SLC22A24: variants seen among roughly 807,000 people sequenced by gnomAD.
The protein encoded by SLC22A24 is solute carrier family 22 member 24.
SLC22A24 carries 53 observed loss-of-function variants against 49.8 expected under a neutral mutation model. That is an observed-to-expected ratio of 1.06 (90% CI 0.85 to 1.34). The LOEUF is 1.34. Ranked by LOEUF, SLC22A24 falls within the 40% of genes most tolerant of loss-of-function variation. The pLI is 0.00. For synonymous variants in SLC22A24, 302 were observed against 256.4 expected (o/e 1.18, Z -1.70); for missense variants, 786 against 675.9 (o/e 1.16, Z -1.81).
chr11:63,093,675 G>T (rs960256074), intron 6 of SLC22A24, among the ~76,000 whole-genome samples: 2 of 152,004 alleles, frequency 1.3e-5, no homozygotes, highest in African/African-American at 4.8e-5. Flanking sequence ...GGGAACAATA[G>T]ACACTGGGGC....
At chr11:63,113,251 T>A (rs1181327367) in intron 4 of SLC22A24, among the ~76,000 whole-genome samples, 1 of 140,288 alleles carries the variant, frequency 7.1e-6, no homozygotes, top group East Asian at 2.1e-4. Flanking sequence ...TATACACACA[T>A]ACACACACAC....
chr11:63,112,901 G>C (rs2087176678), intron 4 of SLC22A24, among the ~76,000 whole-genome samples: 1 of 149,418 alleles, frequency 6.7e-6, no homozygotes, highest in South Asian at 2.1e-4. Context: ...TGTAGTCCCA[G>C]CTACTCAGGA....
intron 1 of SLC22A24, among the ~76,000 whole-genome samples, chr11:63,135,682 G>A (rs1202538734): frequency 1.3e-5 from 2 of 152,064 alleles, no homozygotes; most frequent in Non-Finnish European, 2.9e-5. Context: ...TTTATTTTAT[G>A]TTTATTTTTG....
rs149065369 is a variant in SLC22A24, at chr11:63,101,731, G to A, written c.954+2444C>T. On this transcript the variant is annotated intron_variant, in intron 5 of 9. Coordinates refer to ENST00000612278, the MANE Select transcript of SLC22A24 (RefSeq NM_001136506.2). Reference sequence around the variant, plus strand: ...TAAATTGATAAAGAAAAGTTGATACGTATACATGGAGTACTATTCAGCCAT... The same window carrying A: ...TAAATTGATAAAGAAAAGTTGATACATATACATGGAGTACTATTCAGCCAT... Among the ~76,000 whole-genome samples the A allele has an allele frequency of 4.5e-3, 687 of 152,096 alleles. 5 individuals are homozygous for A. The highest frequency in any genetic ancestry group is 0.016 in the African/African-American group (660 of 41,536).
At chr11:63,113,091 CATATATATATACATATATAT>C (rs2087182247) in intron 4 of SLC22A24, among the ~76,000 whole-genome samples, 2 of 2,392 alleles carry the variant, frequency 8.4e-4, no homozygotes, top group African/African-American at 9.2e-4. Context: ...CATATATATA[CATATATATATACATATATAT>C]ACACATATAT....
chr11:63,110,385 A>G (rs952137843), intron 4 of SLC22A24, among the ~76,000 whole-genome samples: 2 of 152,074 alleles, frequency 1.3e-5, no homozygotes, highest in African/African-American at 4.8e-5. Flanking sequence ...TTGTGTGAAG[A>G]AAGTCATTGG....
chr11:63,102,078 A>G (rs1244591448), intron 5 of SLC22A24, among the ~76,000 whole-genome samples: 1 of 152,136 alleles, frequency 6.6e-6, no homozygotes, highest in Non-Finnish European at 1.5e-5. Context: ...TTTAAAAATG[A>G]CTAAAATAGA....
intron 6 of SLC22A24, among the ~76,000 whole-genome samples, chr11:63,086,763 C>T (rs1047854136): frequency 6.6e-6 from 1 of 152,016 alleles, no homozygotes; most frequent in African/African-American, 2.4e-5. Context: ...AATACAATAT[C>T]TCAAAATATA....
In SLC22A24 at chr11:63,134,676, A is replaced by G. The variant is rs780293649; in HGVS notation, c.495T>C (p.His165=). 1.1e-5 allele frequency: 17 copies of G among 1,537,350 alleles called. No homozygotes were observed. The highest frequency in any genetic ancestry group is 1.7e-4 in the Middle Eastern group (1 of 5,962). Residue 165 remains histidine (H), a synonymous_variant, in exon 2 of 10, where the codon CAT becomes CAC. Transcript: ENST00000612278. ...GAGATGACACTCACCTGTCTGAAAG[A>G]TGGCCATATATTAGACCTCCCAGAA... ...GSLLGGLIYG[H]LSDRVGRKII... is the part of the protein sequence containing the mutation.
At chr11:63,101,843 T>G (rs1037936999) in intron 5 of SLC22A24, among the ~76,000 whole-genome samples, 1 of 152,086 alleles carries the variant, frequency 6.6e-6, no homozygotes, top group Non-Finnish European at 1.5e-5. Context: ...CACAGAAAGA[T>G]GAACTTTTCA....
intron 2 of SLC22A24, among the ~76,000 whole-genome samples, chr11:63,132,733 G>A (rs543610643): frequency 1.4e-4 from 22 of 152,322 alleles, no homozygotes; most frequent in African/African-American, 4.8e-4. Context: ...ACTGGGAAGT[G>A]TCTTCCAGTC....
chr11:63,085,807 A>T (rs2086983990), intron 6 of SLC22A24, among the ~76,000 whole-genome samples: 1 of 152,234 alleles, frequency 6.6e-6, no homozygotes, highest in African/African-American at 2.4e-5. Flanking sequence ...CAAAATAATT[A>T]TCATAATCCT....
At position 63,096,006 on chromosome 11, in the gene SLC22A24, C is replaced by A; in HGVS notation, c.1055G>T (p.Gly352Val). 6.5e-7 allele frequency: 1 copy of A among 1,550,082 alleles called. No homozygotes were observed. Among genetic ancestry groups the A allele is most frequent in the Non-Finnish European group, 8.7e-7 (1 of 1,145,802 alleles). The part of the protein sequence containing the change: ...RAPKLRMRVF[G>V]LCFVRFAITV... ...TGGAACTTACCTCACAAAGCACAGG[C>A]CGAAGACTCTCATTCGCAATTTGGG... Residue 352 changes from glycine to valine, a missense_variant, in exon 6 of 10, where the codon GGC becomes GTC. Transcript: ENST00000612278.
chr11:63,143,532 A>G lies in SLC22A24; in HGVS notation c.248T>C (p.Leu83Pro). Reference sequence around the variant, plus strand: ...AAAGCGCTGACACTTCTGTGGCCTCAGGTTTGAGTCCAGTGGGATGGAGAT... The same window carrying G: ...AAAGCGCTGACACTTCTGTGGCCTCGGGTTTGAGTCCAGTGGGATGGAGAT... Reference protein sequence around the residue: ...LRISIPLDSNLRPQKCQRFIH... With the variant: ...LRISIPLDSNPRPQKCQRFIH... The change falls in exon 1 of 10, where the codon CTG becomes CCG. Residue 83 changes from leucine to proline, a missense_variant. By Grantham distance (98) the Leu-to-Pro change is moderately conservative. Transcript: ENST00000612278. The G allele has an allele frequency of 6.3e-7, 1 of 1,593,340 alleles. No homozygotes were observed. The highest frequency in any genetic ancestry group is 8.5e-7 in the Non-Finnish European group (1 of 1,170,776).
At chr11:63,111,608 T>C (rs925935095) in intron 4 of SLC22A24, among the ~76,000 whole-genome samples, 4 of 151,070 alleles carry the variant, frequency 2.6e-5, no homozygotes, top group African/African-American at 7.3e-5. Context: ...ATTTATCCAT[T>C]TCTTCTAGAT....
chr11:63,096,301 T>C (rs2087054794), intron 5 of SLC22A24, among the ~76,000 whole-genome samples, 195 bp from the exon 6 acceptor site: 1 of 152,106 alleles, frequency 6.6e-6, no homozygotes, highest in Non-Finnish European at 1.5e-5. Context: ...AAATGGGAAC[T>C]CAGAGGAATT....
At chr11:63,142,433 G>A (rs1199312966) in intron 1 of SLC22A24, among the ~76,000 whole-genome samples, 1 of 152,196 alleles carries the variant, frequency 6.6e-6, no homozygotes, top group African/African-American at 2.4e-5. Context: ...CCTCCAAGCT[G>A]TCCTTGTGCA....
At chr11:63,095,849 A>T in intron 6 of SLC22A24, 142 bp downstream of exon 6, 1 of 633,264 alleles carries the variant, frequency 1.6e-6, no homozygotes. Context: ...AAAATGTGGC[A>T]CTTAGAGGCA....
rs1565334737 is a variant in SLC22A24 at position 63,119,322 on chromosome 11, T to C, written c.520A>G (p.Ile174Val). Reference sequence around the variant, plus strand: ...TGGAGGAAACACAATTTGCATATGATCTTCCGTCCAACCCTAAGAAATATT... The same window carrying C: ...TGGAGGAAACACAATTTGCATATGACCTTCCGTCCAACCCTAAGAAATATT... ...GHLSDRVGRK[I>V]ICKLCFLQLA... Residue 174 changes from isoleucine (I) to valine (V), a missense_variant, in exon 3 of 10, where the codon ATC becomes GTC. Coordinates refer to ENST00000612278, the MANE Select transcript of SLC22A24 (RefSeq NM_001136506.2). 6.5e-7 allele frequency: 1 copy of C among 1,544,910 alleles called. No individual in the cohort carries two copies. Among genetic ancestry groups the C allele is most frequent in the Admixed American group, 2.0e-5 (1 of 49,022 alleles).
Sources: gnomAD v4.1 joint callset for allele counts (sites outside exome capture counted in the v4.1 genomes callset) on GRCh38, gnomAD v4.1.1 for gene constraint, MANE v1.5 for transcripts, NCBI Gene and HGNC (gene_info 2026-07-23, HGNC 2026-07-21) for gene names.